MXI1: variants seen among roughly 807,000 people sequenced by gnomAD.
MXI1 encodes max-interacting protein 1.
Under a neutral mutation model 36.9 loss-of-function variants are expected in MXI1, and 18 were observed. The ratio of observed to expected loss-of-function variants is 0.49; its 90% CI spans 0.34 to 0.72. The LOEUF (loss-of-function observed/expected upper bound fraction) is 0.72. Among genes scored for constraint, MXI1 ranks in the 30% least tolerant of loss-of-function variants. The pLI is 0.01. For missense variants in MXI1, 304 were observed against 379.1 expected (o/e 0.80, Z 1.64); for synonymous variants, 160 against 146.7 (o/e 1.09, Z -0.65).
intron 3 of MXI1, chr10:110,257,985 A>G (rs1444383766): frequency 6.4e-6 from 1 of 155,156 alleles, no homozygotes; most frequent in Non-Finnish European, 1.4e-5. Flanking sequence ...GAAAGAATTT[A>G]CTAGTTTTAT....
At chr10:110,238,233 C>T (rs1855539854) in intron 2 of MXI1, among the ~76,000 whole-genome samples, 2 of 152,070 alleles carry the variant, frequency 1.3e-5, no homozygotes, top group Admixed American at 1.3e-4. Flanking sequence ...TGTGTTGGGC[C>T]ACAATCAGTG....
chr10:110,280,765 C>T (rs1857219273), intron 5 of MXI1, among the ~76,000 whole-genome samples: 4 of 151,974 alleles, frequency 2.6e-5, no homozygotes, highest in Admixed American at 2.6e-4. Flanking sequence ...GTTTTTACTA[C>T]TGGTGATGTG....
rs67500928 is a variant in MXI1 at position 110,283,962 on chromosome 10, G to GTT, written c.725-861_725-860insTT. ...ATACCCAGCTAATTTTTGTGTTGTT[G>GTT]TGTTTTTTTTGGTAGAAATGAGGTC... On this transcript the variant is annotated intron_variant, in intron 5 of 5. Transcript: ENST00000332674. Among the ~76,000 whole-genome samples the GTT allele has an allele frequency of 2.2e-3, 332 of 149,354 alleles. 1 individual carries two copies. Among genetic ancestry groups the GTT allele is most frequent in the Non-Finnish European group, 3.7e-3 (246 of 67,184 alleles).
chr10:110,228,020 G>T (rs780218187), intron 1 of MXI1, 169 bp from the exon 2 acceptor site: 20 of 683,156 alleles, frequency 2.9e-5, no homozygotes, highest in Non-Finnish European at 4.9e-5. Context: ...GGTGTCACAG[G>T]ATTGATGTCC....
chr10:110,230,879 A>G lies in MXI1; in HGVS notation c.407+2558A>G, dbSNP rs566073523. Among the ~76,000 whole-genome samples, 13 of 152,350 alleles carry G rather than the reference A, an allele frequency of 8.5e-5. No homozygotes were observed. In the South Asian group the frequency reaches 2.5e-3, roughly 29 times the overall value. Reference sequence around the variant, plus strand: ...GGAAAGGAATGGACTTCATAAGTATATATGTCTTATTTTTTCCTGATCAAA... The same window carrying G: ...GGAAAGGAATGGACTTCATAAGTATGTATGTCTTATTTTTTCCTGATCAAA... On this transcript the variant is annotated intron_variant, in intron 2 of 5. Transcript: ENST00000332674.
In MXI1 at chr10:110,267,506, T is replaced by G. The variant is rs371693346; in HGVS notation, c.438-11674T>G. Among the ~76,000 whole-genome samples the G allele has an allele frequency of 3.9e-5, 6 of 152,216 alleles. No individual in the cohort carries two copies. In the East Asian group the frequency reaches 1.2e-3, roughly 29 times the overall value. ...TGTTTGTAGGCTTTTTCCATCTTGA[T>G]TCACTTTATTCCAGCCTGATTCACA... On this transcript the variant is annotated intron_variant, in intron 3 of 5. Transcript: ENST00000332674.
At chr10:110,265,129 A>C (rs2134438668) in intron 3 of MXI1, among the ~76,000 whole-genome samples, 1 of 152,308 alleles carries the variant, frequency 6.6e-6, no homozygotes, top group Admixed American at 6.5e-5. Context: ...GTTTTGATAG[A>C]GCTCTGAGTA....
intron 3 of MXI1, 76 bp from the exon 4 acceptor site, chr10:110,279,102 GTT>G: frequency 8.9e-7 from 1 of 1,118,944 alleles, no homozygotes; most frequent in Non-Finnish European, 1.3e-6. Context: ...GCAAATTATT[GTT>G]TATCTTAAAA....
chr10:110,264,320 T>G (rs1471159480), intron 3 of MXI1, among the ~76,000 whole-genome samples: 1 of 152,192 alleles, frequency 6.6e-6, no homozygotes. Context: ...TAGTTTTGTT[T>G]AGCACATTCT....
intron 2 of MXI1, among the ~76,000 whole-genome samples, chr10:110,237,575 TAACA>T (rs1209630776): frequency 6.6e-6 from 1 of 152,204 alleles, no homozygotes; most frequent in Non-Finnish European, 1.5e-5. Context: ...GTACTGATAC[TAACA>T]ACACAGAGCT....
chr10:110,263,656 C>T (rs1264122692), intron 3 of MXI1, among the ~76,000 whole-genome samples: 1 of 152,176 alleles, frequency 6.6e-6, no homozygotes, highest in Non-Finnish European at 1.5e-5. Context: ...TTACCCTGTT[C>T]TGTCTAAATA....
intron 3 of MXI1, among the ~76,000 whole-genome samples, chr10:110,256,355 G>T (rs534290557): frequency 2.0e-3 from 305 of 152,158 alleles, no homozygotes; most frequent in African/African-American, 7.3e-3. Context: ...TGTAATCCCA[G>T]CACTTTGGGA....
At chr10:110,216,887 C>T (rs1279878418) in intron 1 of MXI1, among the ~76,000 whole-genome samples, 6 of 151,784 alleles carry the variant, frequency 4.0e-5, no homozygotes, top group Non-Finnish European at 7.4e-5. Context: ...AGGCTGGTCT[C>T]GAACTCCTGG....
At chr10:110,260,151 G>A (rs986004520) in intron 3 of MXI1, among the ~76,000 whole-genome samples, 1 of 151,992 alleles carries the variant, frequency 6.6e-6, no homozygotes, top group East Asian at 1.9e-4. Flanking sequence ...GTAATGCATT[G>A]ACATGAGTAT....
At position 110,284,915 on chromosome 10, in the gene MXI1, C is replaced by T. The variant is rs1430509223; in HGVS notation, c.816C>T (p.His272=). ...CCAGCATCAGTGACATTGATGACCA[C>T]AGCAGCCTGCCGAGTATTGGGAGTG... is the stretch of plus-strand genomic sequence containing the variant. ...STTSISDIDD[H]SSLPSIGSDE... is the part of the protein sequence containing the mutation. Residue 272 remains histidine, a synonymous_variant, in exon 6 of 6, where the codon CAC becomes CAT. Coordinates refer to ENST00000332674, the MANE Select transcript of MXI1 (RefSeq NM_130439.3). 3.7e-6 allele frequency: 6 copies of T among 1,613,826 alleles called. No individual in the cohort carries two copies. Among genetic ancestry groups the T allele is most frequent in the Non-Finnish European group, 5.1e-6 (6 of 1,179,990 alleles).
At chr10:110,263,399 T>C (rs1351546465) in intron 3 of MXI1, among the ~76,000 whole-genome samples, 1 of 152,188 alleles carries the variant, frequency 6.6e-6, no homozygotes, top group Non-Finnish European at 1.5e-5. Context: ...TATGTGGTGA[T>C]TGTGCTTCAT....
At chr10:110,275,164 C>T (rs558304262) in intron 3 of MXI1, among the ~76,000 whole-genome samples, 24 of 152,114 alleles carry the variant, frequency 1.6e-4, no homozygotes, top group East Asian at 1.2e-3. Context: ...CATGAGCTAC[C>T]GCACCCAGCC....
Position 110,267,380 on chromosome 10 carries a change from G to GT in MXI1, c.438-11794dup, listed in dbSNP as rs1173892223. ...ACTGTCTTGGAGGACAGCCATCATA[G>GT]TTTTTTCTGAGCCATCTGTTGGTGT... On this transcript the variant is annotated intron_variant, in intron 3 of 5. Coordinates refer to ENST00000332674, the MANE Select transcript of MXI1 (RefSeq NM_130439.3). Among the ~76,000 whole-genome samples, 5 of 152,282 alleles carry GT rather than the reference G, an allele frequency of 3.3e-5. No homozygotes were observed. In the East Asian group the frequency reaches 9.6e-4, roughly 29 times the overall value.
chr10:110,266,997 T>C (rs1590393302), intron 3 of MXI1, among the ~76,000 whole-genome samples: 2 of 152,212 alleles, frequency 1.3e-5, no homozygotes, highest in African/African-American at 4.8e-5. Context: ...AGAGTAAAGC[T>C]GACCCTTTAA....
Sources: gnomAD v4.1 joint callset for allele counts (sites outside exome capture counted in the v4.1 genomes callset) on GRCh38, gnomAD v4.1.1 for gene constraint, MANE v1.5 for transcripts, NCBI Gene and HGNC (gene_info 2026-07-23, HGNC 2026-07-21) for gene names.